Variants in NSD2 observed in about 807,000 individuals in gnomAD.
NSD2 encodes nuclear receptor binding SET domain protein 2.
In NSD2, 12 loss-of-function variants were observed where a neutral mutation model predicts 139.0. The observed-to-expected ratio is 0.09, with a 90% CI of 0.06 to 0.14. The LOEUF is 0.14. Among genes scored for constraint, NSD2 ranks in the 10% least tolerant of loss-of-function variants. NSD2 has a pLI of 1.00. For synonymous variants in NSD2, 669 were observed against 648.7 expected, an observed-to-expected ratio of 1.03 and a Z score of -0.48; for missense variants, 1,155 against 1,745.0, an observed-to-expected ratio of 0.66 and a Z score of 6.02.
chr4:1,912,595 T>C (rs1718826489), intron 3 of NSD2, among the ~76,000 whole-genome samples: 1 of 151,992 alleles, frequency 6.6e-6, no homozygotes, highest in African/African-American at 2.4e-5. Flanking sequence ...GTTTCTCCTA[T>C]TTATATATTT....
intron 6 of NSD2, among the ~76,000 whole-genome samples, chr4:1,933,634 T>C (rs1300321859): frequency 6.6e-6 from 1 of 152,074 alleles, no homozygotes; most frequent in Non-Finnish European, 1.5e-5. Context: ...GACCTCGTGA[T>C]CCACCCACCT....
Position 1,945,592 on chromosome 4 carries a change from C to T in NSD2, c.1882-5480C>T, listed in dbSNP as rs1159168157. 7.5e-6 allele frequency: 8 copies of T among 1,065,294 alleles called. No individual in the cohort carries two copies. In the African/African-American group the frequency reaches 1.1e-4, roughly 15 times the overall value. 66.0% of individuals were successfully genotyped at this position (1,065,294 alleles called of 1,614,324 possible). A position where few individuals can be genotyped will look rare whatever the true frequency, so the allele number is the denominator to read the frequency against. ...CCAGAAGCCTGATGTGAGTGTGTGG[C>T]ACCTGTGATGGCAGGGCTGTGAGCT... On this transcript the variant is annotated intron_variant, in intron 9 of 21. Transcript: ENST00000508803.
rs1181616057 is a variant in NSD2 at position 1,956,306 on chromosome 4, T to C, written c.2881+118T>C. The C allele has an allele frequency of 1.1e-6, 1 of 906,740 alleles. No homozygotes were observed. The highest frequency in any genetic ancestry group is 1.7e-5 in the African/African-American group (1 of 59,466). The allele number at this position is 906,740 out of a possible 1,614,324, so 56.2% of individuals were successfully genotyped here. On this transcript the variant is annotated intron_variant, in intron 15 of 21. Transcript: ENST00000508803. The surrounding 1 kb of genome is among the most constrained non-coding windows in gnomAD (Gnocchi z 5.3). ...ATACTGGACTAAGCATTCAATCTGT[T>C]TTTTTAAATTAGGAAAATGTTTGCA...
At position 1,881,798 on chromosome 4, in the gene NSD2, A is replaced by C. The variant is rs73202826; in HGVS notation, c.-30+10256A>C. On this transcript the variant is annotated intron_variant, in intron 1 of 21. Transcript: ENST00000508803. ...TCTAGGTGCATATAATAGGGAGGTT[A>C]TACCTGACAAGGCTTTGGGAAAGAC... Among the ~76,000 whole-genome samples, 1,283 of 152,322 alleles carry C rather than the reference A, an allele frequency of 8.4e-3. 9 individuals carry two copies. Among genetic ancestry groups the C allele is most frequent in the Non-Finnish European group, 0.013 (867 of 68,026 alleles).
chr4:1,968,480 C>T (rs1036218347), intron 18 of NSD2, among the ~76,000 whole-genome samples: 11 of 152,194 alleles, frequency 7.2e-5, no homozygotes, highest in South Asian at 2.1e-4. Flanking sequence ...ATACATGTGA[C>T]GTCTACATGG....
chr4:1,879,824 TTGTGTGTGTGTGTGTG>T (rs140755867), intron 1 of NSD2, among the ~76,000 whole-genome samples: 4 of 144,066 alleles, frequency 2.8e-5, no homozygotes, highest in African/African-American at 7.7e-5. Flanking sequence ...CCCATGGCAC[TTGTGTGTGTGTGTGTG>T]TGTGTGTGTG....
At chr4:1,953,955 C>A (rs992732897) in intron 12 of NSD2, among the ~76,000 whole-genome samples, 6 of 151,398 alleles carry the variant, frequency 4.0e-5, no homozygotes, top group Non-Finnish European at 8.8e-5. Context: ...GAACTACAGG[C>A]ACATGCCACC....
At chr4:1,937,876 CT>C (rs1217870322) in intron 7 of NSD2, among the ~76,000 whole-genome samples, 1 of 152,220 alleles carries the variant, frequency 6.6e-6, no homozygotes, top group African/African-American at 2.4e-5. Context: ...TCTCCCATTT[CT>C]TGCTTTTCTC....
chr4:1,977,916 C>G (rs964752711), intron 21 of NSD2, among the ~76,000 whole-genome samples: 1 of 152,058 alleles, frequency 6.6e-6, no homozygotes, highest in Non-Finnish European at 1.5e-5. Context: ...CACTTGAGGT[C>G]AGGAATTCGA....
chr4:1,938,416 C>CTTTTTT (rs746279426), intron 7 of NSD2, 35 bp from the exon 8 acceptor site: 46 of 325,820 alleles, frequency 1.4e-4, no homozygotes, highest in African/African-American at 4.6e-4. Context: ...TTTTTTCTTT[C>CTTTTTT]TTTTTTTTTT....
chr4:1,973,235 C>T lies in NSD2; in HGVS notation c.3373-1628C>T, dbSNP rs565037086. 5.3e-5 allele frequency among the ~76,000 whole-genome samples: 8 copies of T among 152,304 alleles called. No homozygotes were observed. In the East Asian group the frequency reaches 1.2e-3, roughly 22 times the overall value. On this transcript the variant is annotated intron_variant, in intron 18 of 21. Transcript: ENST00000508803. This position sits in a 1 kb window ranked among gnomAD's most constrained non-coding sequence, Gnocchi z 5.5. Reference sequence around the variant, plus strand: ...TAAATAAAACAGGGTCAAGACATGGCGGGCAACCCACAGATGAAAACTGGC... The same window carrying T: ...TAAATAAAACAGGGTCAAGACATGGTGGGCAACCCACAGATGAAAACTGGC...
Position 1,978,693 on chromosome 4 carries a change from A to T in NSD2, c.3882A>T (p.Ser1294=), listed in dbSNP as rs1287437108. 1.2e-6 allele frequency: 2 copies of T among 1,613,890 alleles called. No homozygotes were observed. The highest frequency in any genetic ancestry group is 1.7e-6 in the Non-Finnish European group (2 of 1,179,942). ...ACGTGTGTGGCAAACCTTCGACTTC[A>T]TTTTGCCACCTCTGCCCCAATTCGT... ...HCDVCGKPST[S]FCHLCPNSFC... is the part of the protein sequence containing the mutation. The change falls in exon 22 of 22, where the codon TCA becomes TCT. Residue 1294 remains serine (S), a synonymous_variant. Coordinates refer to ENST00000508803, the MANE Select transcript of NSD2 (RefSeq NM_001042424.3).
chr4:1,970,475 G>A (rs934848933), intron 18 of NSD2, among the ~76,000 whole-genome samples: 1 of 152,202 alleles, frequency 6.6e-6, no homozygotes, highest in African/African-American at 2.4e-5. Flanking sequence ...ATCAGGTGAA[G>A]CTCCAGCAAC....
intron 20 of NSD2, chr4:1,975,676 G>C: frequency 2.8e-6 from 1 of 363,410 alleles, no homozygotes; most frequent in Non-Finnish European, 5.0e-6. Flanking sequence ...TGCGCCCTCT[G>C]AAGGTTCCTT....
chr4:1,901,274 G>A (rs1261870668), intron 2 of NSD2, 23 bp downstream of exon 2: 11 of 1,537,070 alleles, frequency 7.2e-6, no homozygotes, highest in Non-Finnish European at 9.6e-6. Context: ...CGTTGTGTAA[G>A]GGGTCATGTG....
chr4:1,940,132 G>A, intron 9 of NSD2: 1 of 1,146,016 alleles, frequency 8.7e-7, no homozygotes, highest in Non-Finnish European at 1.1e-6. Flanking sequence ...CGTTGGTTCT[G>A]AAAGGGCACA....
At chr4:1,945,956 A>G in intron 9 of NSD2, 4 of 1,053,002 alleles carry the variant, frequency 3.8e-6, no homozygotes, top group Non-Finnish European at 4.6e-6. Context: ...TTAATTTCAA[A>G]GCTTCCTCTG....
intron 1 of NSD2, among the ~76,000 whole-genome samples, chr4:1,896,139 C>T (rs1223343122): frequency 6.6e-6 from 1 of 152,244 alleles, no homozygotes; most frequent in African/African-American, 2.4e-5. Context: ...GACAGCAGCT[C>T]CACACTTGGT....
At chr4:1,896,318 G>A (rs1716294705) in intron 1 of NSD2, among the ~76,000 whole-genome samples, 1 of 152,266 alleles carries the variant, frequency 6.6e-6, no homozygotes, top group Non-Finnish European at 1.5e-5. Context: ...TGCAGCCTAT[G>A]AGGCTCCAGA....
Sources: allele counts gnomAD v4.1 joint callset (sites outside exome capture counted in the v4.1 genomes callset), GRCh38; gene constraint gnomAD v4.1.1; non-coding constraint Gnocchi (gnomAD v3.1); transcripts MANE v1.5; gene names NCBI Gene and HGNC (gene_info 2026-07-23, HGNC 2026-07-21).